PRMT9: variants seen among roughly 807,000 people sequenced by gnomAD.
The protein encoded by PRMT9 is protein arginine methyltransferase 9, also known as protein arginine N-methyltransferase 9.
In PRMT9, 59 loss-of-function variants were observed where a neutral mutation model predicts 83.2. That is an observed-to-expected ratio of 0.71 (90% CI 0.57 to 0.88). The LOEUF is 0.88. Among genes scored for constraint, PRMT9 ranks in the 40% least tolerant of loss-of-function variants. The pLI, the probability that PRMT9 is intolerant of heterozygous loss-of-function variation, is 0.00. For missense variants in PRMT9, 947 were observed against 1,021.9 expected (o/e 0.93, Z 1.00); for synonymous variants, 333 against 353.2 (o/e 0.94, Z 0.64).
chr4:147,650,127 A>G (rs575341978), intron 9 of PRMT9, among the ~76,000 whole-genome samples: 2 of 152,324 alleles, frequency 1.3e-5, no homozygotes, highest in African/African-American at 4.8e-5. Context: ...TACAAGGGAA[A>G]GATGCCCACT....
At chr4:147,647,759 G>T (rs1351329689) in intron 9 of PRMT9, among the ~76,000 whole-genome samples, 1 of 152,030 alleles carries the variant, frequency 6.6e-6, no homozygotes, top group East Asian at 1.9e-4. Context: ...CTGACCTCAA[G>T]TGATCCACCC....
intron 5 of PRMT9, among the ~76,000 whole-genome samples, chr4:147,669,040 CACGCCACTGCACTCCAGCCTG>C (rs1185668216): frequency 2.0e-5 from 3 of 151,930 alleles, no homozygotes; most frequent in Non-Finnish European, 4.4e-5. Flanking sequence ...GAGCCGAGAT[CACGCCACTGCACTCCAGCCTG>C]GGCTACAGAG....
chr4:147,638,923 C>T, intron 11 of PRMT9, 37 bp downstream of exon 11: 2 of 1,584,272 alleles, frequency 1.3e-6, no homozygotes, highest in South Asian at 2.2e-5. Flanking sequence ...TTATTCTAAA[C>T]AATAACAAAC....
At chr4:147,664,913 G>A (rs767468815) in intron 6 of PRMT9, among the ~76,000 whole-genome samples, 5 of 151,736 alleles carry the variant, frequency 3.3e-5, no homozygotes, top group African/African-American at 9.7e-5. Flanking sequence ...TCGGGAGTTC[G>A]AGACCAACCT....
At chr4:147,646,277 T>C (rs1733721550) in intron 9 of PRMT9, among the ~76,000 whole-genome samples, 1 of 152,192 alleles carries the variant, frequency 6.6e-6, no homozygotes, top group African/African-American at 2.4e-5. Flanking sequence ...TCAGATCTAA[T>C]TTTCTTCAAG....
chr4:147,667,971 T>TGG (rs1735454784), intron 6 of PRMT9, among the ~76,000 whole-genome samples: 1 of 140,710 alleles, frequency 7.1e-6, no homozygotes, highest in South Asian at 2.4e-4. Flanking sequence ...GCTTTAACCA[T>TGG]GAAGTTTCAT....
At chr4:147,664,163 C>T (rs1735161294) in intron 6 of PRMT9, among the ~76,000 whole-genome samples, 1 of 152,112 alleles carries the variant, frequency 6.6e-6, no homozygotes. Context: ...AAAAATTAAG[C>T]AGACATAGTG....
At chr4:147,659,737 C>T (rs1055981096) in intron 7 of PRMT9, among the ~76,000 whole-genome samples, 2 of 151,892 alleles carry the variant, frequency 1.3e-5, no homozygotes, top group Non-Finnish European at 2.9e-5. Context: ...GCCACCACAC[C>T]CAGCTAATTT....
At chr4:147,643,721 A>G (rs1447138551) in intron 9 of PRMT9, among the ~76,000 whole-genome samples, 3 of 152,240 alleles carry the variant, frequency 2.0e-5, no homozygotes, top group Non-Finnish European at 4.4e-5. Flanking sequence ...CAGGCTGGGC[A>G]TGGTGGCTGA....
chr4:147,673,922 C>A (rs1275683530), intron 2 of PRMT9, 48 bp from the exon 3 acceptor site: 1 of 1,437,944 alleles, frequency 7.0e-7, no homozygotes, highest in Non-Finnish European at 9.8e-7. Context: ...CTATATGCTA[C>A]CAACTGCAGT....
intron 5 of PRMT9, among the ~76,000 whole-genome samples, chr4:147,670,024 C>T (rs753200098): frequency 2.0e-5 from 3 of 152,186 alleles, no homozygotes; most frequent in South Asian, 2.1e-4. Flanking sequence ...CGTTTTTCAA[C>T]CCTACTCAAG....
intron 5 of PRMT9, among the ~76,000 whole-genome samples, chr4:147,669,694 T>C (rs1735605386): frequency 6.6e-6 from 1 of 150,566 alleles, no homozygotes; most frequent in Non-Finnish European, 1.5e-5. Flanking sequence ...TGTTGCTACT[T>C]CAAAAAAAAA....
intron 9 of PRMT9, among the ~76,000 whole-genome samples, chr4:147,647,789 C>T (rs1269076633): frequency 6.6e-6 from 1 of 152,170 alleles, no homozygotes; most frequent in African/African-American, 2.4e-5. Flanking sequence ...TCCCAAAGTG[C>T]TGGGATTACA....
intron 7 of PRMT9, among the ~76,000 whole-genome samples, chr4:147,660,131 C>T (rs1046426211): frequency 2.0e-5 from 3 of 152,106 alleles, no homozygotes; most frequent in African/African-American, 4.8e-5. Context: ...TCAGAAAGAC[C>T]TAGGTTAGAA....
chr4:147,657,894 C>G lies in PRMT9; in HGVS notation c.1228G>C (p.Val410Leu). 6.2e-7 allele frequency: 1 copy of G among 1,608,402 alleles called. No individual in the cohort carries two copies. Among genetic ancestry groups the G allele is most frequent in the Non-Finnish European group, 8.5e-7 (1 of 1,178,264 alleles). The change falls in exon 8 of 12, where the codon GTT becomes CTT. Residue 410 changes from valine to leucine, a missense_variant. Coordinates refer to ENST00000322396, the MANE Select transcript of PRMT9 (RefSeq NM_138364.4). The part of the protein sequence containing the change: ...IKEGILDAIM[V>L]WFVLQLDDEH... ...TCATCAAGCTGGAGCACAAACCAAA[C>G]CATAATAGCATCTAGTATGCCTTCT... is the stretch of plus-strand genomic sequence containing the variant.
In PRMT9 at chr4:147,653,932, T is replaced by A; in HGVS notation, c.1965A>T (p.Leu655Phe). 1 of 1,614,234 alleles carries A rather than the reference T, an allele frequency of 6.2e-7. No homozygotes were observed. The highest frequency in any genetic ancestry group is 8.5e-7 in the Non-Finnish European group (1 of 1,180,028). ...TGACATCCAATATAATTATGCTCCA[T>A]AACTTGTCTGATTTTGGCCTTTGTA... ...AMLQRPKSDK[L>F]WSIIILDVIE... is the part of the protein sequence containing the mutation. The change falls in exon 9 of 12, where the codon TTA (leucine) becomes TTT (phenylalanine). Residue 655 changes from leucine (L) to phenylalanine (F), a missense_variant. By Grantham distance (22) the Leu-to-Phe change is conservative. Coordinates refer to ENST00000322396, the MANE Select transcript of PRMT9 (RefSeq NM_138364.4).
At chr4:147,661,507 C>T (rs1327007796) in intron 6 of PRMT9, among the ~76,000 whole-genome samples, 1 of 151,972 alleles carries the variant, frequency 6.6e-6, no homozygotes, top group East Asian at 1.9e-4. Context: ...AATCACAATG[C>T]AGGCCAGGCG....
At chr4:147,683,384 A>G in intron 1 of PRMT9, among the ~76,000 whole-genome samples, 2 of 152,192 alleles carry the variant, frequency 1.3e-5, no homozygotes, top group East Asian at 3.9e-4. Flanking sequence ...ACTGCAGGAG[A>G]GAGCTCAGTT....
Position 147,654,233 on chromosome 4 carries a change from T to G in PRMT9, c.1664A>C (p.Gln555Pro). 1 of 1,614,154 alleles carries G rather than the reference T, an allele frequency of 6.2e-7. No individual in the cohort carries two copies. Among genetic ancestry groups the G allele is most frequent in the Non-Finnish European group, 8.5e-7 (1 of 1,179,950 alleles). The part of the protein sequence containing the change: ...LSSLTPEKLY[Q>P]TMDTHCQNEM... The stretch of plus-strand genomic sequence containing the variant: ...ATTCTGACAGTGAGTATCCATGGTC[T>G]GATACAGTTTCTCTGGAGTCAGTGA... The change falls in exon 9 of 12, where the codon CAG (glutamine) becomes CCG (proline). Residue 555 changes from glutamine to proline, a missense_variant. Coordinates refer to ENST00000322396, the MANE Select transcript of PRMT9 (RefSeq NM_138364.4).
Sources: allele counts gnomAD v4.1 joint callset (sites outside exome capture counted in the v4.1 genomes callset), GRCh38; gene constraint gnomAD v4.1.1; transcripts MANE v1.5; gene names NCBI Gene and HGNC (gene_info 2026-07-23, HGNC 2026-07-21).